The following ABR variants were observed in gnomAD, a reference collection of about 807,000 sequenced individuals.
ABR encodes active breakpoint cluster region-related protein.
In ABR, 35 loss-of-function variants were observed where a neutral mutation model predicts 107.2. The ratio of observed to expected loss-of-function variants is 0.33; its 90% CI spans 0.25 to 0.43. The LOEUF is 0.43. Among genes scored for constraint, ABR ranks in the 20% least tolerant of loss-of-function variants. The pLI is 1.00. For missense variants in ABR, 815 were observed against 1,115.2 expected (o/e 0.73, Z 3.83); for synonymous variants, 498 against 462.0 (o/e 1.08, Z -1.00).
chr17:1,204,895 CTTTTTCTTTTTTTTTTT>C (rs2042758898), intron 1 of ABR, among the ~76,000 whole-genome samples: 3 of 70,320 alleles, frequency 4.3e-5, no homozygotes, highest in Admixed American at 2.5e-4. Context: ...TTTTCTTTTT[CTTTTTCTTTTTTTTTTT>C]TTTTTTTTTG....
chr17:1,205,628 A>G (rs2042774043), intron 1 of ABR, among the ~76,000 whole-genome samples: 1 of 152,166 alleles, frequency 6.6e-6, no homozygotes, highest in African/African-American at 2.4e-5. Flanking sequence ...TGGACAACAT[A>G]GTAAGACTTC....
chr17:1,218,978 A>G (rs986969287), intron 1 of ABR, among the ~76,000 whole-genome samples: 3 of 152,174 alleles, frequency 2.0e-5, no homozygotes, highest in African/African-American at 7.2e-5. Context: ...TACTAGGTCA[A>G]TGACATCAGG....
Position 1,058,733 on chromosome 17 carries a change from A to T in ABR, c.1305+12T>A. 6.2e-7 allele frequency: 1 copy of T among 1,613,276 alleles called. No individual in the cohort carries two copies. Among genetic ancestry groups the T allele is most frequent in the Non-Finnish European group, 8.5e-7 (1 of 1,179,634 alleles). On this transcript the variant is annotated intron_variant, in intron 11 of 22. Transcript: ENST00000302538. ...AAGGGGCTGTCTTGGTCCCACCCCCACCCATCCTGACCTTTCCATTCCGAT... is the reference window on the plus strand; with the variant it reads ...AAGGGGCTGTCTTGGTCCCACCCCCTCCCATCCTGACCTTTCCATTCCGAT...
At chr17:1,122,841 T>G (rs944840585) in intron 2 of ABR, among the ~76,000 whole-genome samples, 5 of 152,340 alleles carry the variant, frequency 3.3e-5, no homozygotes, top group South Asian at 4.1e-4. Flanking sequence ...ACCTTGGGCT[T>G]CCCGTTGGCT....
intron 7 of ABR, among the ~76,000 whole-genome samples, chr17:1,073,229 G>A (rs1306807175): frequency 6.6e-6 from 1 of 151,442 alleles, no homozygotes; most frequent in East Asian, 1.9e-4. Context: ...CAGGGGAGAG[G>A]GCCCTGGCTG....
At chr17:1,108,070 C>A (rs2038379163) in intron 2 of ABR, among the ~76,000 whole-genome samples, 1 of 152,124 alleles carries the variant, frequency 6.6e-6, no homozygotes, top group Non-Finnish European at 1.5e-5. Flanking sequence ...CTCGGTTAGG[C>A]AGCCTCGCCT....
chr17:1,129,144 C>T (rs2039716393), intron 1 of ABR, among the ~76,000 whole-genome samples: 1 of 152,126 alleles, frequency 6.6e-6, no homozygotes, highest in South Asian at 2.1e-4. Flanking sequence ...AATTGCTGTT[C>T]CCATGGAGGG....
chr17:1,125,774 G>A (rs2039572868), intron 1 of ABR: 1 of 239,046 alleles, frequency 4.2e-6, no homozygotes, highest in Non-Finnish European at 7.9e-6. Flanking sequence ...AGGAGGTGGG[G>A]GGGGCCGGTC....
intron 14 of ABR, among the ~76,000 whole-genome samples, chr17:1,054,936 G>A (rs2033088762): frequency 6.6e-6 from 1 of 152,134 alleles, no homozygotes; most frequent in Non-Finnish European, 1.5e-5. Context: ...GGTGGAGAGG[G>A]AGAGAGTCAG....
intron 1 of ABR, among the ~76,000 whole-genome samples, chr17:1,129,757 G>A (rs2039746706): frequency 1.3e-5 from 2 of 152,094 alleles, no homozygotes; most frequent in Admixed American, 1.3e-4. Flanking sequence ...GAACAGCCTG[G>A]CCAACATGGT....
chr17:1,009,848 T>A lies in ABR; in HGVS notation c.2237-64A>T, dbSNP rs573105677. ...GGGCTCCCCGCCAGGGCCCCTGTGG[T>A]CGTGAGGCTGTGGGCCCCTGCGGGA... On this transcript the variant is annotated intron_variant, in intron 20 of 22. Transcript: ENST00000302538. The A allele has an allele frequency of 1.2e-5, 18 of 1,450,550 alleles. No homozygotes were observed. In the African/African-American group the frequency reaches 2.5e-4, roughly 20 times the overall value. 89.9% of individuals were successfully genotyped at this position (1,450,550 alleles called of 1,614,324 possible). A position where few individuals can be genotyped will look rare whatever the true frequency, so the allele number is the denominator to read the frequency against.
rs2032287876 is a variant in ABR, at chr17:1,050,108, T to C, written c.1733A>G (p.Lys578Arg). The change falls in exon 16 of 23, where the codon AAG (lysine) becomes AGG (arginine). Residue 578 changes from lysine (K) to arginine (R), a missense_variant. Lys to Arg is a conservative substitution (Grantham distance 26, BLOSUM62 2). Coordinates refer to ENST00000302538, the MANE Select transcript of ABR (RefSeq NM_021962.5). This position sits in a 1 kb window ranked among gnomAD's most constrained non-coding sequence, Gnocchi z 4.6. The stretch of plus-strand genomic sequence containing the variant: ...GATCTCATTGTTGTCCTTGTTGACC[T>C]TGGTCTTGTCATAGCACTTCTCATA... ...LCYEKCYDKT[K>R]VNKDNNEIVD... is the part of the protein sequence containing the mutation. 1 of 1,614,028 alleles carries C rather than the reference T, an allele frequency of 6.2e-7. No homozygotes were observed. The highest frequency in any genetic ancestry group is 1.3e-5 in the African/African-American group (1 of 74,926).
chr17:1,223,913 G>A (rs1452600794), intron 1 of ABR, among the ~76,000 whole-genome samples: 2 of 152,294 alleles, frequency 1.3e-5, no homozygotes, highest in African/African-American at 2.4e-5. Context: ...CCCTCGACAC[G>A]TGGGGATGAC....
At chr17:1,042,849 G>A (rs1326081358) in intron 16 of ABR, among the ~76,000 whole-genome samples, 5 of 152,328 alleles carry the variant, frequency 3.3e-5, no homozygotes, top group East Asian at 1.9e-4. Context: ...ATAAAGAGAC[G>A]TGGCATCTAC....
chr17:1,170,605 T>G (rs1399888144), intron 1 of ABR, among the ~76,000 whole-genome samples: 1 of 151,842 alleles, frequency 6.6e-6, no homozygotes, highest in African/African-American at 2.4e-5. Context: ...CCTGGCTAAT[T>G]TTTGTATTTT....
intron 2 of ABR, among the ~76,000 whole-genome samples, chr17:1,103,306 G>A (rs1379452696): frequency 2.0e-5 from 3 of 151,998 alleles, no homozygotes; most frequent in Non-Finnish European, 4.4e-5. Flanking sequence ...CGGGGGACAA[G>A]ATCAGAGCCT....
At chr17:1,034,280 C>T (rs1378473829) in intron 16 of ABR, among the ~76,000 whole-genome samples, 1 of 152,112 alleles carries the variant, frequency 6.6e-6, no homozygotes, top group Non-Finnish European at 1.5e-5. Context: ...GAGGTAGTGA[C>T]TGAGGGCCTG....
At chr17:1,029,316 C>CAAA (rs1238804433) in intron 16 of ABR, among the ~76,000 whole-genome samples, 5 of 152,056 alleles carry the variant, frequency 3.3e-5, no homozygotes, top group Admixed American at 3.3e-4. Context: ...CAGGGACCCC[C>CAAA]GCTGGTACCC....
At chr17:1,197,446 T>C (rs1334011713) in intron 1 of ABR, among the ~76,000 whole-genome samples, 1 of 151,642 alleles carries the variant, frequency 6.6e-6, no homozygotes, top group Non-Finnish European at 1.5e-5. Context: ...CCGGTCATTC[T>C]GAAGCCTTGA....
Sources: gnomAD v4.1 joint callset for allele counts (sites outside exome capture counted in the v4.1 genomes callset) on GRCh38, gnomAD v4.1.1 for gene constraint, Gnocchi (gnomAD v3.1) non-coding constraint, MANE v1.5 for transcripts, NCBI Gene and HGNC (gene_info 2026-07-23, HGNC 2026-07-21) for gene names.